Variants in HDAC9 observed in about 807,000 individuals in gnomAD.
The protein encoded by HDAC9 is MEF-2 interacting transcription repressor (MITR) protein.
A neutral mutation model predicts 139.4 loss-of-function variants in HDAC9; 41 were observed. That is an observed-to-expected ratio of 0.29 (90% confidence interval 0.23 to 0.38). The LOEUF (loss-of-function observed/expected upper bound fraction) is 0.38. Ranked by LOEUF, HDAC9 falls within the 10% of genes least tolerant of loss-of-function variation. The pLI is 1.00. For missense variants in HDAC9, 1,147 were observed against 1,297.0 expected (o/e 0.88, Z 1.78); for synonymous variants, 517 against 476.2 (o/e 1.09, Z -1.12).
intron 11 of HDAC9, among the ~76,000 whole-genome samples, chr7:18,654,457 A>C (rs576779349): frequency 6.6e-6 from 1 of 152,076 alleles, no homozygotes; most frequent in Non-Finnish European, 1.5e-5. Context: ...TCTTACGTCT[A>C]TCTTCCCTTC....
At chr7:18,600,287 G>T (rs1293335767) in intron 6 of HDAC9, among the ~76,000 whole-genome samples, 2 of 152,066 alleles carry the variant, frequency 1.3e-5, no homozygotes, top group African/African-American at 4.8e-5. Flanking sequence ...TCACAGAACA[G>T]AAGATTCTAA....
At chr7:18,456,533 C>A (rs533384586) in intron 1 of HDAC9, among the ~76,000 whole-genome samples, 1 of 152,204 alleles carries the variant, frequency 6.6e-6, no homozygotes, top group South Asian at 2.1e-4. Flanking sequence ...CCAAGCCCAG[C>A]CCACCTTTAG....
chr7:18,712,492 G>A (rs1273749535), intron 12 of HDAC9, among the ~76,000 whole-genome samples: 1 of 152,182 alleles, frequency 6.6e-6, no homozygotes, highest in African/African-American at 2.4e-5. Context: ...CTAAAAGCAT[G>A]ATTTTAAATC....
chr7:18,905,589 C>G (rs962369084), intron 22 of HDAC9, among the ~76,000 whole-genome samples: 2 of 136,406 alleles, frequency 1.5e-5, no homozygotes, highest in Non-Finnish European at 3.2e-5. Context: ...AATATCAATG[C>G]TAATGTAAAA....
At chr7:18,799,052 C>A (rs948839520) in intron 17 of HDAC9, among the ~76,000 whole-genome samples, 3 of 64,840 alleles carry the variant, frequency 4.6e-5, no homozygotes, top group African/African-American at 1.4e-4. Flanking sequence ...CACACACACA[C>A]ACACACACAC....
chr7:18,257,900 G>A (rs1795387161), intron 2 of HDAC9, among the ~76,000 whole-genome samples: 2 of 152,218 alleles, frequency 1.3e-5, no homozygotes, highest in Non-Finnish European at 1.5e-5. Flanking sequence ...CTGTAAGGGA[G>A]GGACTTAGAG....
At chr7:18,285,461 A>AT (rs1259941310), upstream of HDAC9, among the ~76,000 whole-genome samples, 10 of 151,844 alleles carry the variant, frequency 6.6e-5, no homozygotes, top group African/African-American at 2.4e-4. Context: ...CACATCCTTG[A>AT]TTTTTTTTCT....
At chr7:18,270,650 ATAT>A (rs1245965330) in intron 2 of HDAC9, among the ~76,000 whole-genome samples, 28 of 152,188 alleles carry the variant, frequency 1.8e-4, no homozygotes, top group Admixed American at 1.7e-3. Context: ...CATACGTAGT[ATAT>A]TATTTCTTGG....
intron 2 of HDAC9, among the ~76,000 whole-genome samples, chr7:18,535,412 T>A (rs1810537108): frequency 6.6e-6 from 1 of 152,014 alleles, no homozygotes; most frequent in Non-Finnish European, 1.5e-5. Flanking sequence ...AGAAAGTTCC[T>A]AAAATAGACT....
intron 1 of HDAC9, among the ~76,000 whole-genome samples, chr7:18,368,255 T>C (rs1257178220): frequency 6.6e-6 from 1 of 152,050 alleles, no homozygotes; most frequent in African/African-American, 2.4e-5. Flanking sequence ...TATCCTCCCA[T>C]ATTTTATTCT....
At chr7:18,511,779 C>A (rs1423923244) in intron 2 of HDAC9, among the ~76,000 whole-genome samples, 1 of 152,086 alleles carries the variant, frequency 6.6e-6, no homozygotes, top group African/African-American at 2.4e-5. Context: ...TTTCTTCACA[C>A]CCCTGCCAAT....
chr7:18,962,273 T>C (rs1783575284), intron 24 of HDAC9, among the ~76,000 whole-genome samples: 1 of 152,124 alleles, frequency 6.6e-6, no homozygotes, highest in Non-Finnish European at 1.5e-5. Flanking sequence ...AGGCAGACCT[T>C]CATTGAAGAA....
chr7:18,791,963 A>T (rs181912264), intron 16 of HDAC9, among the ~76,000 whole-genome samples: 2 of 152,200 alleles, frequency 1.3e-5, no homozygotes, highest in East Asian at 1.9e-4. Flanking sequence ...CTCCAATGTC[A>T]CTCAGGTTTT....
intron 22 of HDAC9, chr7:18,899,335 T>C (rs2301949): frequency 0.2 from 30,980 of 151,662 alleles, 3,523 homozygotes; most frequent in East Asian, 0.41. Context: ...ATTTTTTTTT[T>C]CCCTGAAAGT....
chr7:18,871,423 C>G (rs1032822763), intron 21 of HDAC9, among the ~76,000 whole-genome samples: 1 of 152,150 alleles, frequency 6.6e-6, no homozygotes, highest in Non-Finnish European at 1.5e-5. Flanking sequence ...ATTAACTCTG[C>G]TCCTTGTCAC....
intron 1 of HDAC9, among the ~76,000 whole-genome samples, chr7:18,104,590 A>C (rs1783078190): frequency 6.6e-6 from 1 of 152,136 alleles, no homozygotes; most frequent in African/African-American, 2.4e-5. Flanking sequence ...CCAGTGTGAA[A>C]AGACTCCCTA....
intron 14 of HDAC9, among the ~76,000 whole-genome samples, chr7:18,754,045 T>C (rs1157096115): frequency 6.6e-6 from 1 of 152,092 alleles, no homozygotes; most frequent in Non-Finnish European, 1.5e-5. Flanking sequence ...AGAGAAAACA[T>C]TAGTCCTCAT....
chr7:18,932,864 G>GAAAGAAAGAAAGAAAGAAAGAA (rs369930715), intron 22 of HDAC9, among the ~76,000 whole-genome samples: 43 of 150,420 alleles, frequency 2.9e-4, no homozygotes, highest in African/African-American at 1.0e-3. Flanking sequence ...AAGAAAGAAA[G>GAAAGAAAGAAAGAAAGAAAGAA]AAAGAAAGAA....
intron 2 of HDAC9, among the ~76,000 whole-genome samples, chr7:18,226,484 C>T (rs1415128438): frequency 6.6e-6 from 1 of 152,106 alleles, no homozygotes; most frequent in African/African-American, 2.4e-5. Context: ...TCAGTCACTC[C>T]TCCTGGAAGA....
Sources: allele counts gnomAD v4.1 joint callset (sites outside exome capture counted in the v4.1 genomes callset), GRCh38; gene constraint gnomAD v4.1.1; transcripts MANE v1.5; gene names NCBI Gene and HGNC (gene_info 2026-07-23, HGNC 2026-07-21).